The following CNTD1 variants were observed in gnomAD, a reference collection of about 807,000 sequenced individuals.
CNTD1 encodes the protein cyclin N-terminal domain containing 1.
A neutral mutation model predicts 36.3 loss-of-function variants in CNTD1; 17 were observed. That is an observed-to-expected ratio of 0.47 (90% CI 0.32 to 0.70). CNTD1 has a LOEUF of 0.70. Among genes scored for constraint, CNTD1 ranks in the 30% least tolerant of loss-of-function variants. The pLI, the probability that CNTD1 is intolerant of heterozygous loss-of-function variation, is 0.03. For synonymous variants in CNTD1, 128 were observed against 153.3 expected, an observed-to-expected ratio of 0.83 and a Z score of 1.22; for missense variants, 338 against 386.1, an observed-to-expected ratio of 0.88 and a Z score of 1.04.
rs139359998 is a variant in CNTD1, at chr17:42,805,690, CATT to C, written c.418-31_418-29del. On this transcript the variant is annotated intron_variant, in intron 3 of 6. Coordinates refer to ENST00000588408, the MANE Select transcript of CNTD1 (RefSeq NM_173478.3). The stretch of plus-strand genomic sequence containing the variant: ...TCAAGACGTATGAACTTTATCCTAA[CATT>C]CTTCTTTCCCTCTCTTTTCTTTGCT... The C allele has an allele frequency of 4.4e-3, 6,960 of 1,591,074 alleles. 247 individuals are homozygous for C. In the African/African-American group the frequency reaches 0.079, roughly 18 times the overall value.
chr17:42,806,662 T>C lies in CNTD1; in HGVS notation c.581-12T>C, dbSNP rs374090321. On this transcript the variant is annotated splice_polypyrimidine_tract_variant and intron_variant, in intron 4 of 6. Transcript: ENST00000588408. The stretch of plus-strand genomic sequence containing the variant: ...TCATAAATTCTCCCTATCATTCCCA[T>C]ACTCCATCTAGGATACAATGGCTGT... 3 of 1,613,232 alleles carry C rather than the reference T, an allele frequency of 1.9e-6. No individual in the cohort carries two copies. The highest frequency in any genetic ancestry group is 2.5e-6 in the Non-Finnish European group (3 of 1,179,244).
intron 3 of CNTD1, among the ~76,000 whole-genome samples, chr17:42,805,052 C>T (rs561899767): frequency 1.2e-4 from 19 of 152,094 alleles, no homozygotes; most frequent in Non-Finnish European, 2.5e-4. Flanking sequence ...CCTTTCCTCC[C>T]CCCTTGGACT....
At chr17:42,804,008 ATT>A (rs374376015) in intron 2 of CNTD1, among the ~76,000 whole-genome samples, 3,268 of 140,086 alleles carry the variant, frequency 0.023, 113 homozygotes, top group African/African-American at 0.08. Context: ...GCACTTGGCT[ATT>A]TTTTTTTTTT....
In CNTD1 at chr17:42,810,985, G is replaced by A. The variant is rs2054988869; in HGVS notation, c.*1450G>A. ...ACTGAGATCTGAGTTAAGTAAGTTC[G>A]GGGCAGGGACTTGATCATGGGACCA... On this transcript the variant is annotated 3_prime_UTR_variant, in exon 7 of 7. Transcript: ENST00000588408. 1.1e-5 allele frequency: 16 copies of A among 1,489,180 alleles called. No individual in the cohort carries two copies. The highest frequency in any genetic ancestry group is 1.4e-5 in the South Asian group (1 of 72,590). 92.2% of individuals were successfully genotyped at this position (1,489,180 alleles called of 1,614,324 possible). A position where few individuals can be genotyped will look rare whatever the true frequency, so the allele number is the denominator to read the frequency against.
rs1355842046 is a variant in CNTD1 at position 42,811,526 on chromosome 17, T to C, written c.*1991T>C. On this transcript the variant is annotated 3_prime_UTR_variant, in exon 7 of 7. Coordinates refer to ENST00000588408, the MANE Select transcript of CNTD1 (RefSeq NM_173478.3). ...TACTGGGTCAGTCTCTGCCCATCAA[T>C]GTCATGTGATTCTGTGCCATTTTTT... The C allele has an allele frequency of 8.3e-7, 1 of 1,209,578 alleles. No individual in the cohort carries two copies. Among genetic ancestry groups the C allele is most frequent in the African/African-American group, 1.5e-5 (1 of 65,414 alleles). The allele number at this position is 1,209,578 out of a possible 1,614,324, so 74.9% of individuals were successfully genotyped here. A position where few individuals can be genotyped will look rare whatever the true frequency, so the allele number is the denominator to read the frequency against.
At position 42,806,829 on chromosome 17, in the gene CNTD1, T is replaced by G. The variant is rs1207877601; in HGVS notation, c.725+11T>G. 1 of 1,613,510 alleles carries G rather than the reference T, an allele frequency of 6.2e-7. No individual in the cohort carries two copies. Among genetic ancestry groups the G allele is most frequent in the Non-Finnish European group, 8.5e-7 (1 of 1,179,718 alleles). On this transcript the variant is annotated intron_variant, in intron 5 of 6. Transcript: ENST00000588408. ...CAGTCAGCTGCAAGGGTAAGACAAC[T>G]CCTATAGGGTAGGCTCCTTCCAGGA...
rs1444131751 is a variant in CNTD1 at position 42,809,459 on chromosome 17, C to T, written c.917C>T (p.Thr306Ile). The change falls in exon 7 of 7, where the codon ACT becomes ATT. Residue 306 changes from threonine to isoleucine, a missense_variant. Coordinates refer to ENST00000588408, the MANE Select transcript of CNTD1 (RefSeq NM_173478.3). The part of the protein sequence containing the change: ...AILTHGVGAN[T>I]PGRQQSIPPH... ...CTGACTCACGGAGTGGGAGCCAACA[C>T]TCCGGGGAGACAGCAGTCTATTCCT... 5 of 1,614,174 alleles carry T rather than the reference C, an allele frequency of 3.1e-6. No homozygotes were observed. Among genetic ancestry groups the T allele is most frequent in the Non-Finnish European group, 4.2e-6 (5 of 1,180,014 alleles).
chr17:42,799,073 C>T lies in CNTD1; in HGVS notation c.6C>T (p.Asp2=), dbSNP rs762595375. The T allele has an allele frequency of 6.8e-6, 11 of 1,613,734 alleles. No individual in the cohort carries two copies. The highest frequency in any genetic ancestry group is 9.3e-6 in the Non-Finnish European group (11 of 1,179,880). The stretch of plus-strand genomic sequence containing the variant: ...GCCCCAAGAGGCTCGTGAATATGGA[C>T]GGACCCATGAGGCCACGATCGGCCT... M[D]GPMRPRSASL... Residue 2 remains aspartate, a synonymous_variant, in exon 1 of 7, where the codon GAC becomes GAT. Coordinates refer to ENST00000588408, the MANE Select transcript of CNTD1 (RefSeq NM_173478.3).
At chr17:42,807,665 G>C in intron 5 of CNTD1, 103 bp from the exon 6 acceptor site, 1 of 840,802 alleles carries the variant, frequency 1.2e-6, no homozygotes, top group Non-Finnish European at 2.0e-6. Flanking sequence ...AAAAATCCAA[G>C]ATGATCGACA....
upstream of CNTD1, chr17:42,798,788 G>A: frequency 6.8e-7 from 1 of 1,465,082 alleles, no homozygotes; most frequent in Non-Finnish European, 9.0e-7. Flanking sequence ...GCCCTTTGCG[G>A]GGCAGAGCCG....
At chr17:42,803,581 G>T in intron 1 of CNTD1, 39 bp from the exon 2 acceptor site, 2 of 1,546,096 alleles carry the variant, frequency 1.3e-6, no homozygotes, top group Non-Finnish European at 8.9e-7. Flanking sequence ...GGTTTTGGTT[G>T]CATCTTGTGA....
Position 42,811,334 on chromosome 17 carries a change from G to A in CNTD1, c.*1799G>A, listed in dbSNP as rs2054999190. The stretch of plus-strand genomic sequence containing the variant: ...GTTTCCATCCATCAATGGGATCCTA[G>A]AAAAATCAAAAGAAGCATTCCTGTG... On this transcript the variant is annotated 3_prime_UTR_variant, in exon 7 of 7. Coordinates refer to ENST00000588408, the MANE Select transcript of CNTD1 (RefSeq NM_173478.3). The A allele has an allele frequency of 3.4e-6, 1 of 293,010 alleles. No homozygotes were observed. The highest frequency in any genetic ancestry group is 2.2e-5 in the African/African-American group (1 of 46,264). The allele number at this position is 293,010 out of a possible 1,614,324, so 18.2% of individuals were successfully genotyped here.
chr17:42,809,820 G>A lies in CNTD1; in HGVS notation c.*285G>A. 1 of 293,114 alleles carries A rather than the reference G, an allele frequency of 3.4e-6. No homozygotes were observed. The highest frequency in any genetic ancestry group is 6.5e-6 in the Non-Finnish European group (1 of 155,038). The allele number at this position is 293,114 out of a possible 1,614,324, so 18.2% of individuals were successfully genotyped here. A position where few individuals can be genotyped will look rare whatever the true frequency, so the allele number is the denominator to read the frequency against. On this transcript the variant is annotated 3_prime_UTR_variant, in exon 7 of 7. Transcript: ENST00000588408. The stretch of plus-strand genomic sequence containing the variant: ...ACTTTTAGCTTAATTTCATTAAGAG[G>A]AACATCAGGCATTGCAATCAGTATT...
At position 42,799,212 on chromosome 17, in the gene CNTD1, C is replaced by T. The variant is rs200889328; in HGVS notation, c.145C>T (p.Arg49Cys). 1.3e-4 allele frequency: 202 copies of T among 1,613,784 alleles called. 1 individual carries two copies. The East Asian group carries it at 4.1e-3, about 33-fold the overall frequency. Residue 49 changes from arginine (R) to cysteine (C), a missense_variant, in exon 1 of 7, where the codon CGC (arginine) becomes TGC (cysteine). Coordinates refer to ENST00000588408, the MANE Select transcript of CNTD1 (RefSeq NM_173478.3). ...AVREASGRLG[R>C]FREPQIVEFV... ...GAGGGAGGCTTCGGGGCGGCTGGGC[C>T]GCTTCAGGGAGCCCCAGATCGTGGG...
rs148060488 is a variant in CNTD1 at position 42,809,702 on chromosome 17, G to A, written c.*167G>A. On this transcript the variant is annotated 3_prime_UTR_variant, in exon 7 of 7. Coordinates refer to ENST00000588408, the MANE Select transcript of CNTD1 (RefSeq NM_173478.3). ...TTTATCAGAGAGAGTTAAGGTGGAC[G>A]AGCATGCCCTTTTTGTCATATCAGC... 20 of 595,234 alleles carry A rather than the reference G, an allele frequency of 3.4e-5. No individual in the cohort carries two copies. Among genetic ancestry groups the A allele is most frequent in the African/African-American group, 1.5e-4 (8 of 52,938 alleles). 36.9% of individuals were successfully genotyped at this position (595,234 alleles called of 1,614,324 possible).
chr17:42,801,197 A>C (rs1357569099), intron 1 of CNTD1, among the ~76,000 whole-genome samples: 3 of 148,548 alleles, frequency 2.0e-5, no homozygotes, highest in African/African-American at 7.7e-5. Flanking sequence ...AAAAAAAAAA[A>C]AAACAACAAC....
Position 42,811,167 on chromosome 17 carries a change from G to C in CNTD1, c.*1632G>C, listed in dbSNP as rs779468588. The C allele has an allele frequency of 2.3e-5, 9 of 397,600 alleles. No homozygotes were observed. The highest frequency in any genetic ancestry group is 4.1e-5 in the African/African-American group (2 of 48,438). The allele number at this position is 397,600 out of a possible 1,614,324, so 24.6% of individuals were successfully genotyped here. ...CACACCCAAAGAGAAGAGAAGCCTG[G>C]AGTAGGGGTGAGTGAGGGTTACAGT... On this transcript the variant is annotated 3_prime_UTR_variant, in exon 7 of 7. Transcript: ENST00000588408.
chr17:42,799,752 C>CAA (rs780393099), intron 1 of CNTD1, among the ~76,000 whole-genome samples: 394 of 10,584 alleles, frequency 0.037, 79 homozygotes, highest in East Asian at 0.05. Context: ...AACTCCGTCT[C>CAA]AAAAAAAAAA....
rs757922174 is a variant in CNTD1, at chr17:42,809,488, C to A, written c.946C>A (p.His316Asn). 1 of 1,614,134 alleles carries A rather than the reference C, an allele frequency of 6.2e-7. No individual in the cohort carries two copies. Reference sequence around the variant, plus strand: ...GGGGAGACAGCAGTCTATTCCTCCCCACCTGGCAGCCAGAGCTCTGAAGAC... The same window carrying A: ...GGGGAGACAGCAGTCTATTCCTCCCAACCTGGCAGCCAGAGCTCTGAAGAC... ...TPGRQQSIPP[H>N]LAARALKTVA... Residue 316 changes from histidine to asparagine, a missense_variant, in exon 7 of 7, where the codon CAC becomes AAC. Transcript: ENST00000588408.
Sources: gnomAD v4.1 joint callset for allele counts (sites outside exome capture counted in the v4.1 genomes callset) on GRCh38, gnomAD v4.1.1 for gene constraint, MANE v1.5 for transcripts, NCBI Gene and HGNC (gene_info 2026-07-23, HGNC 2026-07-21) for gene names.